SYNE1: variants seen among roughly 807,000 people sequenced by gnomAD.
SYNE1 encodes nesprin-1.
Under a neutral mutation model 1,111.0 loss-of-function variants are expected in SYNE1, and 616 were observed. The observed-to-expected ratio is 0.55, with a 90% CI of 0.52 to 0.59. The LOEUF (loss-of-function observed/expected upper bound fraction) is 0.59. SYNE1 is among the 20% of genes least tolerant of loss of function. The pLI, the probability that SYNE1 is intolerant of heterozygous loss-of-function variation, is 0.00. For missense variants in SYNE1, 10,006 were observed against 10,417.0 expected (o/e 0.96, Z 1.72); for synonymous variants, 3,855 against 3,825.8 (o/e 1.01, Z -0.28).
chr6:152,209,305 T>G (rs2077090802), intron 124 of SYNE1, among the ~76,000 whole-genome samples: 1 of 152,186 alleles, frequency 6.6e-6, no homozygotes, highest in Non-Finnish European at 1.5e-5. Context: ...TGTAACCAAA[T>G]ATGCTGTTAG....
intron 104 of SYNE1, among the ~76,000 whole-genome samples, chr6:152,251,100 C>T (rs1210589672): frequency 6.6e-6 from 1 of 152,204 alleles, no homozygotes; most frequent in Admixed American, 6.5e-5. Context: ...TAGGCATGCA[C>T]CACCACGTCT....
rs542531171 is a variant in SYNE1, at chr6:152,493,920, G to A, written c.939+4822C>T. ...TAGATCCTAAATCCTTTCCCCACTCGTCTTTCCGTTCCTTAAAAACTGTCC... is the reference window on the plus strand; with the variant it reads ...TAGATCCTAAATCCTTTCCCCACTCATCTTTCCGTTCCTTAAAAACTGTCC... On this transcript the variant is annotated intron_variant, in intron 11 of 145. Coordinates refer to ENST00000367255, the MANE Select transcript of SYNE1 (RefSeq NM_182961.4). 9.2e-5 allele frequency among the ~76,000 whole-genome samples: 14 copies of A among 152,144 alleles called. No individual in the cohort carries two copies. The East Asian group carries it at 1.4e-3, about 15-fold the overall frequency.
chr6:152,137,320 G>A (rs2057324311), intron 140 of SYNE1, among the ~76,000 whole-genome samples: 1 of 152,098 alleles, frequency 6.6e-6, no homozygotes, highest in Admixed American at 6.5e-5. Context: ...TCTGTACAGA[G>A]GTTCAACCAC....
intron 3 of SYNE1, among the ~76,000 whole-genome samples, chr6:152,551,096 C>T (rs1048157466): frequency 2.6e-5 from 4 of 152,122 alleles, no homozygotes; most frequent in Non-Finnish European, 5.9e-5. Context: ...CCTTTTCCTT[C>T]CTCTATTTGT....
At chr6:152,586,183 TA>T (rs2099538216) in intron 3 of SYNE1, among the ~76,000 whole-genome samples, 1 of 152,212 alleles carries the variant, frequency 6.6e-6, no homozygotes, top group Non-Finnish European at 1.5e-5. Context: ...CTTTTTTCTA[TA>T]TACCATATAA....
intron 3 of SYNE1, among the ~76,000 whole-genome samples, chr6:152,597,757 C>T (rs576354245): frequency 6.6e-6 from 1 of 152,136 alleles, no homozygotes; most frequent in Admixed American, 6.5e-5. Flanking sequence ...AGGAAAAATC[C>T]CTAAAATACA....
chr6:152,355,098 A>G (rs2096811789), intron 66 of SYNE1, 122 bp from the exon 67 acceptor site: 1 of 1,037,848 alleles, frequency 9.6e-7, no homozygotes. Context: ...TGATTTTATT[A>G]TTATGCCCTA....
intron 63 of SYNE1, 133 bp downstream of exon 63, chr6:152,364,714 A>AAGGG: frequency 1.0e-6 from 1 of 978,304 alleles, no homozygotes; most frequent in Non-Finnish European, 1.6e-6. Flanking sequence ...GGAAGGAAGG[A>AAGGG]AGGAAGGAAG....
chr6:152,243,085 T>C (rs1328738757), intron 106 of SYNE1, among the ~76,000 whole-genome samples: 7 of 152,204 alleles, frequency 4.6e-5, no homozygotes, highest in African/African-American at 1.7e-4. Context: ...TGAGGTAGAT[T>C]TGACAACTGT....
Position 152,213,724 on chromosome 6 carries a change from A to G in SYNE1, c.22382T>C (p.Phe7461Ser). Residue 7461 changes from phenylalanine (F) to serine (S), a missense_variant, in exon 123 of 146, where the codon TTC becomes TCC. This residue lies in a region of SYNE1 where 2,182 missense variants were observed against 2,287.8 expected (regional missense o/e 0.95). Coordinates refer to ENST00000367255, the MANE Select transcript of SYNE1 (RefSeq NM_182961.4). ...LQSFLLQHQT[F>S]LEKCETWMEF... ...CATCCATGTTTCACATTTTTCCAAG[A>G]AAGTCTGATGTTGTAGCAAAAATGA... 1.2e-6 allele frequency: 2 copies of G among 1,614,122 alleles called. No individual in the cohort carries two copies. Among genetic ancestry groups the G allele is most frequent in the Non-Finnish European group, 1.7e-6 (2 of 1,180,008 alleles).
intron 101 of SYNE1, among the ~76,000 whole-genome samples, chr6:152,261,418 A>G (rs922256606): frequency 6.6e-6 from 1 of 152,268 alleles, no homozygotes; most frequent in Non-Finnish European, 1.5e-5. Flanking sequence ...ATCTGGAACC[A>G]TCTGTTGCTG....
chr6:152,148,403 T>C lies in SYNE1; in HGVS notation c.24643-25A>G, dbSNP rs1382629053. The stretch of plus-strand genomic sequence containing the variant: ...GCTAGAAGGGAAGTCAAGGCAACCC[T>C]GTCACTGTAGTGGTCAGACTAGCTT... On this transcript the variant is annotated intron_variant, in intron 136 of 145. Coordinates refer to ENST00000367255, the MANE Select transcript of SYNE1 (RefSeq NM_182961.4). The surrounding 1 kb of genome is among the most constrained non-coding windows in gnomAD (Gnocchi z 4.1). The C allele has an allele frequency of 5.0e-6, 8 of 1,607,574 alleles. No homozygotes were observed. Among genetic ancestry groups the C allele is most frequent in the Non-Finnish European group, 5.9e-6 (7 of 1,177,210 alleles).
rs371375804 is a variant in SYNE1, at chr6:152,330,896, C to T, written c.13789G>A (p.Glu4597Lys). ...PEINLMNESS[E>K]LHTQLAKYQN... Reference sequence around the variant, plus strand: ...TATTTAGCCAGTTGTGTATGAAGCTCAGAACTCTCATTCATTAGGTTGATT... The same window carrying T: ...TATTTAGCCAGTTGTGTATGAAGCTTAGAACTCTCATTCATTAGGTTGATT... Residue 4597 changes from glutamate (E) to lysine (K), a missense_variant, in exon 78 of 146, where the codon GAG becomes AAG. Physicochemically the swap from Glu to Lys is moderately conservative, Grantham distance 56 (BLOSUM62 1). This residue lies in a region of SYNE1 where 4,955 missense variants were observed against 5,017.2 expected (regional missense o/e 0.99). Coordinates refer to ENST00000367255, the MANE Select transcript of SYNE1 (RefSeq NM_182961.4). The T allele has an allele frequency of 8.7e-6, 14 of 1,614,080 alleles. No homozygotes were observed. In the African/African-American group the frequency reaches 1.1e-4, roughly 12 times the overall value.
At chr6:152,364,766 C>A in intron 63 of SYNE1, 81 bp downstream of exon 63, 1 of 1,566,760 alleles carries the variant, frequency 6.4e-7, no homozygotes, top group Non-Finnish European at 8.8e-7. Context: ...GGGAAGCCGG[C>A]CACAGGAATG....
intron 87 of SYNE1, among the ~76,000 whole-genome samples, chr6:152,312,312 C>T (rs992931814): frequency 7.4e-5 from 11 of 149,224 alleles, no homozygotes; most frequent in African/African-American, 2.2e-4. Context: ...TGGGTTCAAG[C>T]GATTCTCCTG....
At chr6:152,128,906 A>G (rs2054464364) in intron 145 of SYNE1, 1 of 152,246 alleles carries the variant, frequency 6.6e-6, no homozygotes, top group African/African-American at 2.4e-5. Context: ...ACGAAGCCCA[A>G]GAATGTTCAA....
At chr6:152,145,415 G>T in intron 137 of SYNE1, 1 of 1,403,418 alleles carries the variant, frequency 7.1e-7, no homozygotes, top group Non-Finnish European at 1.0e-6. Flanking sequence ...GAGAGAGACA[G>T]CAGATGTGCT....
chr6:152,521,582 T>C (rs9384005), intron 5 of SYNE1, among the ~76,000 whole-genome samples: 29,685 of 152,160 alleles, frequency 0.2, 3,111 homozygotes, highest in Middle Eastern at 0.32. Flanking sequence ...CTCTTTTTCA[T>C]TGCAGTCTCC....
chr6:152,324,412 T>C (rs769068361), intron 81 of SYNE1, among the ~76,000 whole-genome samples: 1 of 150,388 alleles, frequency 6.6e-6, no homozygotes, highest in Non-Finnish European at 1.5e-5. Context: ...AAAAGTTGAA[T>C]ATACAATTTG....
Sources: gnomAD v4.1 joint callset for allele counts (sites outside exome capture counted in the v4.1 genomes callset) on GRCh38, gnomAD v4.1.1 for gene constraint, gnomAD v4.1.1 regional missense constraint, Gnocchi (gnomAD v3.1) non-coding constraint, MANE v1.5 for transcripts, NCBI Gene and HGNC (gene_info 2026-07-23, HGNC 2026-07-21) for gene names.